Variants in SATB1 observed in about 807,000 individuals in gnomAD.
The protein encoded by SATB1 is DNA-binding protein SATB1.
In SATB1, 11 loss-of-function variants were observed where a neutral mutation model predicts 86.9. The observed-to-expected ratio is 0.13, with a 90% confidence interval of 0.08 to 0.21. The LOEUF is 0.21. SATB1 is among the 10% of genes least tolerant of loss of function. The probability of loss-of-function intolerance (pLI) is 1.00; values close to 1 mark genes in which losing one functional copy is unlikely to be tolerated. For synonymous variants in SATB1, 357 were observed against 357.2 expected (o/e 1.00, Z 0.01); for missense variants, 551 against 937.6 (o/e 0.59, Z 5.39).
At chr3:18,363,636 TC>T (rs1695030700) in intron 9 of SATB1, among the ~76,000 whole-genome samples, 1 of 152,100 alleles carries the variant, frequency 6.6e-6, no homozygotes, top group Non-Finnish European at 1.5e-5. Context: ...CCACACTGAC[TC>T]CCTTTGGAAT....
At chr3:18,417,686 C>T (rs1401924154) in intron 2 of SATB1, 1 of 698,774 alleles carries the variant, frequency 1.4e-6, no homozygotes, top group Non-Finnish European at 2.6e-6. Context: ...GCTCATAATA[C>T]ACAATTTCAA....
chr3:18,423,080 A>C (rs539566807), intron 1 of SATB1, among the ~76,000 whole-genome samples: 86 of 152,304 alleles, frequency 5.6e-4, no homozygotes, highest in Non-Finnish European at 1.0e-3. Context: ...GCTAAAGTTC[A>C]CCAAACCTCA....
intron 5 of SATB1, among the ~76,000 whole-genome samples, chr3:18,402,275 T>C (rs1320508402): frequency 6.6e-6 from 1 of 152,078 alleles, no homozygotes; most frequent in Non-Finnish European, 1.5e-5. Context: ...AAAAGATTCA[T>C]CAGATGGGGA....
intron 2 of SATB1, among the ~76,000 whole-genome samples, chr3:18,436,526 T>G (rs901508595): frequency 2.0e-4 from 26 of 128,728 alleles, no homozygotes; most frequent in Admixed American, 6.2e-4. Context: ...AAAAAAAAAA[T>G]CATCCAATTA....
chr3:18,360,076 G>A (rs1694833561), intron 9 of SATB1, among the ~76,000 whole-genome samples: 1 of 152,114 alleles, frequency 6.6e-6, no homozygotes, highest in Non-Finnish European at 1.5e-5. Flanking sequence ...GGAAAAGTAA[G>A]TCAATGATGA....
At chr3:18,357,880 C>T (rs1031764498) in intron 9 of SATB1, among the ~76,000 whole-genome samples, 4 of 151,806 alleles carry the variant, frequency 2.6e-5, no homozygotes, top group Non-Finnish European at 1.5e-5. Context: ...ACACCCAAGA[C>T]CTAAGGAAGA....
At chr3:18,441,544 C>T (rs904213999), upstream of SATB1, among the ~76,000 whole-genome samples, 1 of 152,130 alleles carries the variant, frequency 6.6e-6, no homozygotes, top group Non-Finnish European at 1.5e-5. Flanking sequence ...TTACAGCCAT[C>T]CAAGACAATA....
intron 5 of SATB1, chr3:18,408,745 C>A (rs1697679199): frequency 6.6e-6 from 1 of 150,618 alleles, no homozygotes; most frequent in Admixed American, 6.6e-5. Context: ...TGAAATGAAG[C>A]AGATCTATAA....
chr3:18,381,462 C>T (rs1696059355), intron 8 of SATB1, among the ~76,000 whole-genome samples: 1 of 152,044 alleles, frequency 6.6e-6, no homozygotes, highest in African/African-American at 2.4e-5. Flanking sequence ...CCTAACAGCC[C>T]GGAGGAGGTA....
intron 2 of SATB1, chr3:18,417,531 T>C: frequency 1.6e-6 from 1 of 614,886 alleles, no homozygotes; most frequent in South Asian, 2.0e-5. Context: ...CCTGGGTTTG[T>C]GTCCAAACAA....
At chr3:18,355,822 GAGA>G (rs1694603190) in intron 9 of SATB1, among the ~76,000 whole-genome samples, 1 of 151,896 alleles carries the variant, frequency 6.6e-6, no homozygotes, top group Non-Finnish European at 1.5e-5. Context: ...TTAAAATAAT[GAGA>G]CCGATCCATT....
intron 2 of SATB1, among the ~76,000 whole-genome samples, chr3:18,418,625 C>T (rs985196535): frequency 6.6e-6 from 1 of 152,132 alleles, no homozygotes; most frequent in Non-Finnish European, 1.5e-5. Flanking sequence ...TGCAAACTGG[C>T]GATTCCTTCC....
chr3:18,380,889 T>C (rs932849524), intron 8 of SATB1, among the ~76,000 whole-genome samples: 3 of 152,218 alleles, frequency 2.0e-5, no homozygotes, highest in Non-Finnish European at 4.4e-5. Context: ...TCTTCTTTAA[T>C]CCTGGTTTAG....
intron 7 of SATB1, among the ~76,000 whole-genome samples, chr3:18,388,368 G>C (rs972820962): frequency 2.0e-5 from 3 of 151,984 alleles, no homozygotes; most frequent in Non-Finnish European, 2.9e-5. Context: ...AATAACCCTT[G>C]CTCTTTACTC....
intron 9 of SATB1, among the ~76,000 whole-genome samples, chr3:18,376,651 G>C (rs1166749488): frequency 1.3e-5 from 2 of 152,048 alleles, no homozygotes; most frequent in Non-Finnish European, 2.9e-5. Context: ...GACATCTGAA[G>C]AAGCACACAG....
At chr3:18,445,410 T>C in intron 1 of SATB1, 1 of 982,244 alleles carries the variant, frequency 1.0e-6, no homozygotes, top group Non-Finnish European at 1.2e-6. Context: ...ACACGGGGGT[T>C]GGCGCGGAAG....
chr3:18,444,909 G>A lies in SATB1; in HGVS notation c.-25+609C>T, dbSNP rs1383550963. On this transcript the variant is annotated intron_variant, in intron 1 of 3. Coordinates refer to the SATB1 transcript ENST00000415069. This position sits in a 1 kb window ranked among gnomAD's most constrained non-coding sequence, Gnocchi z 5.1. ...GGGGAGGGAGGAGATGTTAACGGGC[G>A]GGGGGGGGAGAAGGGGGAGGGGGCG... 1 of 119,724 alleles carries A rather than the reference G, an allele frequency of 8.4e-6. No individual in the cohort carries two copies. Among genetic ancestry groups the A allele is most frequent in the Non-Finnish European group, 1.8e-5 (1 of 56,082 alleles). The allele number at this position is 119,724 out of a possible 1,614,324, so 7.4% of individuals were successfully genotyped here.
At chr3:18,393,670 C>T (rs1251001707) in intron 7 of SATB1, among the ~76,000 whole-genome samples, 1 of 152,188 alleles carries the variant, frequency 6.6e-6, no homozygotes, top group Non-Finnish European at 1.5e-5. Flanking sequence ...GCCAGCCACA[C>T]TTACTCCATG....
Position 18,347,681 on chromosome 3 carries a change from T to C in SATB1, c.*1489A>G, listed in dbSNP as rs1365916719. 1 of 152,206 alleles carries C rather than the reference T, an allele frequency of 6.6e-6. No homozygotes were observed. The highest frequency in any genetic ancestry group is 1.5e-5 in the Non-Finnish European group (1 of 68,022). 9.4% of individuals were successfully genotyped at this position (152,206 alleles called of 1,614,324 possible). On this transcript the variant is annotated 3_prime_UTR_variant, in exon 11 of 11. Coordinates refer to ENST00000338745, the MANE Select transcript of SATB1 (RefSeq NM_002971.6). ...TAACTGCTAGAGACTGGATTTGTTTTTGTCGGAGAGTCTTTTGACCATCCT... is the reference window on the plus strand; with the variant it reads ...TAACTGCTAGAGACTGGATTTGTTTCTGTCGGAGAGTCTTTTGACCATCCT...
Sources: gnomAD v4.1 joint callset for allele counts (sites outside exome capture counted in the v4.1 genomes callset) on GRCh38, gnomAD v4.1.1 for gene constraint, Gnocchi (gnomAD v3.1) non-coding constraint, MANE v1.5 for transcripts, NCBI Gene and HGNC (gene_info 2026-07-23, HGNC 2026-07-21) for gene names.